The following LEMD1 variants were observed in gnomAD, a reference collection of about 807,000 sequenced individuals.
LEMD1 encodes LEM domain-containing protein 1.
Under a neutral mutation model 17.4 loss-of-function variants are expected in LEMD1, and 18 were observed. That is an observed-to-expected ratio of 1.04 (90% confidence interval 0.72 to 1.54). The LOEUF is 1.54. LEMD1 is among the 40% of genes most tolerant of loss of function. The pLI, the probability that LEMD1 is intolerant of heterozygous loss-of-function variation, is 0.00. For synonymous variants in LEMD1, 88 were observed against 77.8 expected, an observed-to-expected ratio of 1.13 and a Z score of -0.69; for missense variants, 195 against 210.4, an observed-to-expected ratio of 0.93 and a Z score of 0.45.
rs35101083 is a variant in LEMD1 at position 205,419,256 on chromosome 1, C to G, written c.179G>C (p.Gly60Ala). The G allele has an allele frequency of 5.6e-3, 9,079 of 1,614,222 alleles. 42 individuals are homozygous for G. Among genetic ancestry groups the G allele is most frequent in the Middle Eastern group, 0.01 (61 of 6,062 alleles). ...TTCGCTGTCATCACTGTCCTGCGCT[C>G]CATCCAGCTCTCTGGGTCCATTCAT... ...PVMNGPRELD[G>A]AQDSDDSEEL... is the part of the protein sequence containing the mutation. The change falls in exon 3 of 6, where the codon GGA becomes GCA. Residue 60 changes from glycine (G) to alanine (A), a missense_variant. Gly to Ala is a moderately conservative substitution (Grantham distance 60, BLOSUM62 0). Transcript: ENST00000367153.
intron 4 of LEMD1, among the ~76,000 whole-genome samples, chr1:205,402,944 A>G (rs2102390046): frequency 6.6e-6 from 1 of 152,164 alleles, no homozygotes; most frequent in African/African-American, 2.4e-5. Context: ...CCTTTTCTGC[A>G]TCTATTGAGA....
At chr1:205,394,752 G>A (rs1409372249) in intron 4 of LEMD1, among the ~76,000 whole-genome samples, 2 of 152,036 alleles carry the variant, frequency 1.3e-5, no homozygotes, top group Non-Finnish European at 2.9e-5. Context: ...ACCTTGGGAG[G>A]CCGAGACAGG....
intron 1 of LEMD1, among the ~76,000 whole-genome samples, chr1:205,442,265 G>A (rs12403847): frequency 6.6e-6 from 1 of 151,984 alleles, no homozygotes; most frequent in African/African-American, 2.4e-5. Context: ...AGGGCTATGC[G>A]GAAGGGGTTT....
chr1:205,398,843 G>A (rs1309026978), intron 4 of LEMD1, among the ~76,000 whole-genome samples: 4 of 152,190 alleles, frequency 2.6e-5, no homozygotes, highest in African/African-American at 7.2e-5. Flanking sequence ...GGTATGTTCC[G>A]TGGTCACGGA....
chr1:205,395,992 A>AGAT (rs1221012527), intron 4 of LEMD1, among the ~76,000 whole-genome samples: 1 of 152,134 alleles, frequency 6.6e-6, no homozygotes, highest in African/African-American at 2.4e-5. Flanking sequence ...ATTCTGAAGA[A>AGAT]GATTTAGAAC....
intron 2 of LEMD1, 143 bp downstream of exon 2, chr1:205,420,312 G>A (rs1161581478): frequency 3.4e-5 from 22 of 643,188 alleles, no homozygotes; most frequent in South Asian, 1.1e-4. Flanking sequence ...TATATTTACC[G>A]CCTCTTCCCT....
At chr1:205,431,177 C>G (rs1434387773) in intron 1 of LEMD1, among the ~76,000 whole-genome samples, 1 of 152,240 alleles carries the variant, frequency 6.6e-6, no homozygotes. Flanking sequence ...CGTTAGCCAA[C>G]ACACAAGTGA....
intron 4 of LEMD1, among the ~76,000 whole-genome samples, chr1:205,399,432 GATAC>G (rs927726523): frequency 4.6e-5 from 7 of 152,270 alleles, no homozygotes; most frequent in South Asian, 2.1e-4. Context: ...TACGTATACA[GATAC>G]ATACATTTAT....
chr1:205,449,088 G>A (rs1169425489), intron 1 of LEMD1, among the ~76,000 whole-genome samples: 1 of 152,132 alleles, frequency 6.6e-6, no homozygotes, highest in Non-Finnish European at 1.5e-5. Context: ...TCCCCAAGCT[G>A]AGGGCAGCTC....
At chr1:205,394,935 C>A (rs938827119) in intron 4 of LEMD1, among the ~76,000 whole-genome samples, 2 of 150,718 alleles carry the variant, frequency 1.3e-5, no homozygotes, top group African/African-American at 4.9e-5. Context: ...TGCAGTGAGC[C>A]GAGATCGCCC....
At chr1:205,416,556 C>A (rs956254587) in intron 3 of LEMD1, among the ~76,000 whole-genome samples, 1 of 152,176 alleles carries the variant, frequency 6.6e-6, no homozygotes, top group African/African-American at 2.4e-5. Flanking sequence ...GCTGGCTGCC[C>A]ATCTGGGCAG....
At chr1:205,382,073 C>T in intron 5 of LEMD1, 2 of 563,156 alleles carry the variant, frequency 3.6e-6, no homozygotes, top group Non-Finnish European at 6.3e-6. Flanking sequence ...ACAATCACAG[C>T]TCACTGCAGC....
intron 1 of LEMD1, among the ~76,000 whole-genome samples, chr1:205,428,126 G>A (rs1486661046): frequency 2.0e-5 from 3 of 152,240 alleles, no homozygotes; most frequent in Non-Finnish European, 2.9e-5. Flanking sequence ...AGATTTTATG[G>A]TGGTTTTTTG....
chr1:205,398,908 T>C (rs1381854174), intron 4 of LEMD1, among the ~76,000 whole-genome samples: 1 of 152,122 alleles, frequency 6.6e-6, no homozygotes, highest in Non-Finnish European at 1.5e-5. Flanking sequence ...GGTGATTAGT[T>C]ACACTGAGAA....
intron 4 of LEMD1, among the ~76,000 whole-genome samples, chr1:205,411,097 A>G (rs1665377147): frequency 6.9e-6 from 1 of 145,980 alleles, no homozygotes; most frequent in Non-Finnish European, 1.5e-5. Flanking sequence ...AAGAAGAAAG[A>G]AAAAAGAAAG....
chr1:205,393,018 T>C (rs977476735), intron 4 of LEMD1, among the ~76,000 whole-genome samples: 2 of 151,578 alleles, frequency 1.3e-5, no homozygotes, highest in Non-Finnish European at 2.9e-5. Flanking sequence ...CTGAGGCAGG[T>C]GGACTGCTTG....
chr1:205,399,509 T>C (rs1664740562), intron 4 of LEMD1, among the ~76,000 whole-genome samples: 2 of 152,224 alleles, frequency 1.3e-5, no homozygotes, highest in African/African-American at 2.4e-5. Flanking sequence ...AGGTGCTCAC[T>C]GAAGGCCTAG....
upstream of LEMD1, among the ~76,000 whole-genome samples, chr1:205,425,023 C>A (rs1048041047): frequency 2.0e-5 from 3 of 152,122 alleles, no homozygotes; most frequent in African/African-American, 7.2e-5. Context: ...GGCAGAATAG[C>A]CACAACAGGA....
chr1:205,400,599 C>T (rs908290045), intron 4 of LEMD1, among the ~76,000 whole-genome samples: 18 of 152,138 alleles, frequency 1.2e-4, no homozygotes, highest in African/African-American at 4.1e-4. Context: ...GTCTTCTGTT[C>T]CCCCTCCTGG....
Sources: gnomAD v4.1 joint callset for allele counts (sites outside exome capture counted in the v4.1 genomes callset) on GRCh38, gnomAD v4.1.1 for gene constraint, MANE v1.5 for transcripts, NCBI Gene and HGNC (gene_info 2026-07-23, HGNC 2026-07-21) for gene names.